NELL1: variants seen among roughly 807,000 people sequenced by gnomAD.
NELL1 encodes protein kinase C-binding protein NELL1.
In NELL1, 76 loss-of-function variants were observed where a neutral mutation model predicts 107.4. The observed-to-expected ratio is 0.71, with a 90% CI of 0.59 to 0.86. The LOEUF (loss-of-function observed/expected upper bound fraction) is 0.86. NELL1 is among the 40% of genes least tolerant of loss of function. The pLI, the probability that NELL1 is intolerant of heterozygous loss-of-function variation, is 0.00. For missense variants in NELL1, 1,024 were observed against 1,005.5 expected (o/e 1.02, Z -0.25); for synonymous variants, 353 against 341.2 (o/e 1.03, Z -0.38).
At chr11:21,233,143 G>A (rs1565123223) in intron 14 of NELL1, among the ~76,000 whole-genome samples, 1 of 152,132 alleles carries the variant, frequency 6.6e-6, no homozygotes, top group Non-Finnish European at 1.5e-5. Flanking sequence ...CGTGGTGGTC[G>A]ATGCCCATGT....
chr11:21,104,147 A>C (rs937457527), intron 12 of NELL1, among the ~76,000 whole-genome samples: 1 of 152,172 alleles, frequency 6.6e-6, no homozygotes, highest in Non-Finnish European at 1.5e-5. Context: ...GGAAGCACTC[A>C]CTGGGTTTGT....
chr11:21,396,578 A>G (rs1851985702), intron 15 of NELL1, among the ~76,000 whole-genome samples: 1 of 151,648 alleles, frequency 6.6e-6, no homozygotes, highest in South Asian at 2.1e-4. Flanking sequence ...AGATAATTTA[A>G]AACAAGTGCA....
chr11:20,938,962 G>C (rs1278554659), intron 10 of NELL1, among the ~76,000 whole-genome samples: 2 of 151,736 alleles, frequency 1.3e-5, no homozygotes, highest in Non-Finnish European at 2.9e-5. Context: ...GTGTGTGTGT[G>C]TGCATGCACG....
chr11:21,199,929 G>T (rs1235067389), intron 13 of NELL1, among the ~76,000 whole-genome samples: 1 of 152,024 alleles, frequency 6.6e-6, no homozygotes, highest in African/African-American at 2.4e-5. Context: ...AGTTTGCTGA[G>T]AATGACGGTT....
At chr11:21,064,930 G>C (rs975253022) in intron 12 of NELL1, among the ~76,000 whole-genome samples, 2 of 152,130 alleles carry the variant, frequency 1.3e-5, no homozygotes, top group African/African-American at 4.8e-5. Flanking sequence ...ACTTAAGTGA[G>C]AAAATCTGAC....
intron 14 of NELL1, among the ~76,000 whole-genome samples, chr11:21,265,297 A>G (rs572306742): frequency 1.8e-4 from 28 of 152,158 alleles, no homozygotes; most frequent in African/African-American, 6.5e-4. Context: ...CTAAATAAAA[A>G]CTATATTCAG....
At chr11:20,721,839 A>G (rs1228728363) in intron 2 of NELL1, among the ~76,000 whole-genome samples, 3 of 152,184 alleles carry the variant, frequency 2.0e-5, no homozygotes, top group Admixed American at 6.5e-5. Flanking sequence ...AGTTAACACC[A>G]GAAGAATCTA....
At chr11:21,419,805 G>A (rs1000346500) in intron 15 of NELL1, among the ~76,000 whole-genome samples, 2 of 152,016 alleles carry the variant, frequency 1.3e-5, no homozygotes, top group Admixed American at 6.6e-5. Flanking sequence ...TAATTCATAC[G>A]GTTTAGGAGA....
intron 5 of NELL1, among the ~76,000 whole-genome samples, chr11:20,897,697 C>T (rs2134126509): frequency 6.6e-6 from 1 of 152,226 alleles, no homozygotes; most frequent in East Asian, 1.9e-4. Context: ...CCAGAATCTA[C>T]AATGAACTCA....
chr11:21,410,823 G>A (rs1004929587), intron 15 of NELL1, among the ~76,000 whole-genome samples: 6 of 152,082 alleles, frequency 3.9e-5, no homozygotes, highest in Admixed American at 2.6e-4. Context: ...AGCATACGGC[G>A]TGTGCCGTTT....
chr11:20,683,874 T>C (rs950743488), intron 2 of NELL1, among the ~76,000 whole-genome samples: 1 of 152,040 alleles, frequency 6.6e-6, no homozygotes, highest in African/African-American at 2.4e-5. Flanking sequence ...TTTCCCTGCT[T>C]TTAAGACTTT....
intron 14 of NELL1, among the ~76,000 whole-genome samples, chr11:21,341,900 C>T (rs564549042): frequency 6.0e-4 from 92 of 152,244 alleles, no homozygotes; most frequent in Non-Finnish European, 1.0e-3. Flanking sequence ...TTCTTGTTCA[C>T]GTTTTCTAAA....
At chr11:20,761,829 C>A (rs1856427287) in intron 2 of NELL1, among the ~76,000 whole-genome samples, 1 of 152,194 alleles carries the variant, frequency 6.6e-6, no homozygotes, top group Non-Finnish European at 1.5e-5. Context: ...TCTGATATCC[C>A]TGGGGCCATT....
At chr11:21,319,285 C>G (rs554902460) in intron 14 of NELL1, among the ~76,000 whole-genome samples, 1 of 151,660 alleles carries the variant, frequency 6.6e-6, no homozygotes, top group East Asian at 1.9e-4. Context: ...AAACAATTTG[C>G]GTGCCTCAGC....
chr11:21,254,131 C>G (rs1858710429), intron 14 of NELL1, among the ~76,000 whole-genome samples: 1 of 151,976 alleles, frequency 6.6e-6, no homozygotes, highest in South Asian at 2.1e-4. Flanking sequence ...TCTCCATATG[C>G]CTGGTCATTC....
At chr11:21,530,687 G>T (rs2133966829) in intron 15 of NELL1, among the ~76,000 whole-genome samples, 1 of 152,046 alleles carries the variant, frequency 6.6e-6, no homozygotes, top group Admixed American at 6.6e-5. Context: ...AAAGATTAGA[G>T]GTAGAAGCAA....
chr11:20,765,434 C>T (rs1042857332), intron 2 of NELL1, among the ~76,000 whole-genome samples: 6 of 152,152 alleles, frequency 3.9e-5, no homozygotes, highest in Non-Finnish European at 7.3e-5. Flanking sequence ...AGCTTCCATG[C>T]AGCCTCACAC....
intron 3 of NELL1, among the ~76,000 whole-genome samples, chr11:20,804,911 C>G (rs1212590530): frequency 1.3e-5 from 2 of 152,084 alleles, no homozygotes; most frequent in Non-Finnish European, 2.9e-5. Context: ...TGAGATCTCT[C>G]TTTGTTTTTA....
At chr11:20,801,396 C>A (rs573908439) in intron 3 of NELL1, among the ~76,000 whole-genome samples, 88 of 152,254 alleles carry the variant, frequency 5.8e-4, no homozygotes, top group Non-Finnish European at 1.2e-3. Flanking sequence ...CCCTTTCAGA[C>A]CTTTTGCCCA....
Sources: gnomAD v4.1 joint callset for allele counts (sites outside exome capture counted in the v4.1 genomes callset) on GRCh38, gnomAD v4.1.1 for gene constraint, MANE v1.5 for transcripts, NCBI Gene and HGNC (gene_info 2026-07-23, HGNC 2026-07-21) for gene names.